COL4A1: variants seen among roughly 807,000 people sequenced by gnomAD.
COL4A1 encodes the protein collagen type IV alpha 1 chain, also known as collagen alpha-1(IV) chain.
A neutral mutation model predicts 216.6 loss-of-function variants in COL4A1; 40 were observed. The ratio of observed to expected loss-of-function variants is 0.18; its 90% CI spans 0.14 to 0.24. The LOEUF (loss-of-function observed/expected upper bound fraction) is 0.24, where lower values mean the gene tolerates loss of function less well. Among genes scored for constraint, COL4A1 ranks in the 10% least tolerant of loss-of-function variants. COL4A1 has a pLI of 1.00. For synonymous variants in COL4A1, 839 were observed against 810.7 expected (o/e 1.03, Z -0.59); for missense variants, 1,628 against 2,196.8 (o/e 0.74, Z 5.18).
intron 37 of COL4A1, among the ~76,000 whole-genome samples, 159 bp from the exon 38 acceptor site, chr13:110,174,908 T>C (rs551976783): frequency 6.6e-6 from 1 of 152,350 alleles, no homozygotes; most frequent in South Asian, 2.1e-4. Context: ...CACTTCTGAA[T>C]GGAGAGGAAA....
chr13:110,285,522 G>A (rs901377551), intron 1 of COL4A1, among the ~76,000 whole-genome samples: 33 of 152,226 alleles, frequency 2.2e-4, no homozygotes, highest in African/African-American at 6.7e-4. Flanking sequence ...CCTTGCCTGG[G>A]CCATGGGATG....
In COL4A1 at chr13:110,213,952, C is replaced by T; in HGVS notation, c.208G>A (p.Gly70Arg). ...IGFPGMQGPEGPQGPPGQKGD... is the reference protein window; with the variant it reads ...IGFPGMQGPERPQGPPGQKGD... ...TTTTGTCCTGGTGGTCCCTGTGGCC[C>T]CTCAGGTCCTTGCATTCCAGGAAAC... Residue 70 changes from glycine to arginine, a missense_variant, in exon 3 of 52, where the codon GGG (glycine) becomes AGG (arginine). Gly to Arg is a moderately radical substitution (Grantham distance 125, BLOSUM62 -2). Coordinates refer to ENST00000375820, the MANE Select transcript of COL4A1 (RefSeq NM_001845.6). 1 of 1,614,094 alleles carries T rather than the reference C, an allele frequency of 6.2e-7. No individual in the cohort carries two copies. The highest frequency in any genetic ancestry group is 8.5e-7 in the Non-Finnish European group (1 of 1,180,018).
At chr13:110,154,202 G>A (rs117131610) in intron 50 of COL4A1, among the ~76,000 whole-genome samples, 3 of 152,318 alleles carry the variant, frequency 2.0e-5, no homozygotes, top group Non-Finnish European at 4.4e-5. Flanking sequence ...GTCATTTACT[G>A]GGAATTGGCA....
At chr13:110,212,229 T>G (rs1237983438) in intron 6 of COL4A1, among the ~76,000 whole-genome samples, 188 bp downstream of exon 6, 1 of 152,192 alleles carries the variant, frequency 6.6e-6, no homozygotes, top group Admixed American at 6.5e-5. Flanking sequence ...AAAGGAACAA[T>G]TATATCTTTC....
rs769482830 is a variant in COL4A1 at position 110,174,733 on chromosome 13, G to A, written c.3215C>T (p.Ala1072Val). The change falls in exon 38 of 52, where the codon GCG (alanine) becomes GTG (valine). Residue 1072 changes from alanine to valine, a missense_variant. Transcript: ENST00000375820. Reference protein sequence around the residue: ...LRGEKGDQGIAGFPGSPGEKG... With the variant: ...LRGEKGDQGIVGFPGSPGEKG... Reference sequence around the variant, plus strand: ...CTCTCCAGGGCTTCCTGGGAAACCCGCTATCCCTTGATCTCCCTGCAAGTA... The same window carrying A: ...CTCTCCAGGGCTTCCTGGGAAACCCACTATCCCTTGATCTCCCTGCAAGTA... The A allele has an allele frequency of 2.5e-5, 40 of 1,613,208 alleles. No individual in the cohort carries two copies. The South Asian group carries it at 3.1e-4, about 12-fold the overall frequency.
intron 1 of COL4A1, among the ~76,000 whole-genome samples, chr13:110,306,560 C>T (rs755386079): frequency 3.3e-5 from 5 of 152,022 alleles, no homozygotes; most frequent in Admixed American, 6.5e-5. Flanking sequence ...GGTGGGCGCT[C>T]CCGGCCCTCC....
chr13:110,271,263 G>C (rs1282286210), intron 1 of COL4A1, among the ~76,000 whole-genome samples: 2 of 152,290 alleles, frequency 1.3e-5, no homozygotes, highest in East Asian at 3.9e-4. Context: ...AGAATCCTCA[G>C]GGATAGTCAC....
At chr13:110,159,795 A>C (rs1219110179) in intron 49 of COL4A1, among the ~76,000 whole-genome samples, 1 of 152,252 alleles carries the variant, frequency 6.6e-6, no homozygotes, top group African/African-American at 2.4e-5. Flanking sequence ...ATCCTATCAC[A>C]TGCTATAATA....
chr13:110,209,014 T>C, intron 11 of COL4A1, 124 bp from the exon 12 acceptor site: 1 of 1,032,956 alleles, frequency 9.7e-7, no homozygotes. Flanking sequence ...CCCATAACTC[T>C]CATAAAATTT....
At chr13:110,177,776 A>G in intron 33 of COL4A1, 66 bp downstream of exon 33, 1 of 1,521,330 alleles carries the variant, frequency 6.6e-7, no homozygotes, top group Non-Finnish European at 9.1e-7. Context: ...TGACAACTTG[A>G]GAATTTCCCA....
Position 110,266,373 on chromosome 13 carries a change from G to A in COL4A1, c.85-23639C>T, listed in dbSNP as rs546181310. 1.7e-3 allele frequency among the ~76,000 whole-genome samples: 255 copies of A among 152,292 alleles called. 1 individual carries two copies. Among genetic ancestry groups the A allele is most frequent in the African/African-American group, 6.0e-3 (248 of 41,564 alleles). ...CGCCTGGAGTAGTTCCAACTCTGTC[G>A]CCACGAATCCTAGCTCAGGAAAAGC... is the stretch of plus-strand genomic sequence containing the variant. On this transcript the variant is annotated intron_variant, in intron 1 of 51. Coordinates refer to ENST00000375820, the MANE Select transcript of COL4A1 (RefSeq NM_001845.6).
intron 1 of COL4A1, among the ~76,000 whole-genome samples, chr13:110,253,383 GTATTACATATACATATAATTATAT>G (rs1460173113): frequency 0.016 from 29 of 1,782 alleles, 4 homozygotes; most frequent in Non-Finnish European, 0.054. Context: ...ATAATTATAT[GTATTACATATACATATAATTATAT>G]GTATTACATA....
chr13:110,250,310 T>C (rs1290999384), intron 1 of COL4A1, among the ~76,000 whole-genome samples: 1 of 152,086 alleles, frequency 6.6e-6, no homozygotes, highest in East Asian at 1.9e-4. Flanking sequence ...GTGAGGTACA[T>C]GCTCTATTCT....
chr13:110,212,957 G>A (rs919202016), intron 4 of COL4A1, among the ~76,000 whole-genome samples: 4 of 152,184 alleles, frequency 2.6e-5, no homozygotes, highest in Non-Finnish European at 5.9e-5. Flanking sequence ...ACAAAATGAT[G>A]TCTTTTGCAG....
At chr13:110,277,351 T>C (rs1420758058) in intron 1 of COL4A1, among the ~76,000 whole-genome samples, 3 of 152,234 alleles carry the variant, frequency 2.0e-5, no homozygotes, top group Admixed American at 6.5e-5. Context: ...TTCTTTATTT[T>C]CCCCAATTTG....
At chr13:110,153,173 G>C (rs1041030183) in intron 50 of COL4A1, among the ~76,000 whole-genome samples, 18 of 152,184 alleles carry the variant, frequency 1.2e-4, no homozygotes, top group African/African-American at 4.1e-4. Context: ...TAGGAAATGT[G>C]AACTCTAGAA....
intron 24 of COL4A1, among the ~76,000 whole-genome samples, chr13:110,188,318 C>T (rs776548741): frequency 3.3e-5 from 5 of 152,206 alleles, no homozygotes; most frequent in Admixed American, 6.5e-5. Flanking sequence ...CACATGCACA[C>T]GCTTCTGTGT....
intron 1 of COL4A1, among the ~76,000 whole-genome samples, chr13:110,292,632 G>A (rs529486893): frequency 2.0e-5 from 3 of 152,304 alleles, no homozygotes; most frequent in South Asian, 4.1e-4. Flanking sequence ...ATGGTAGCAG[G>A]AGAGAGAGCG....
intron 1 of COL4A1, among the ~76,000 whole-genome samples, chr13:110,306,553 G>A (rs1357007838): frequency 1.3e-5 from 2 of 151,950 alleles, no homozygotes; most frequent in South Asian, 2.1e-4. Context: ...AGCGCGGGGT[G>A]GGCGCTCCCG....
Sources: gnomAD v4.1 joint callset for allele counts (sites outside exome capture counted in the v4.1 genomes callset) on GRCh38, gnomAD v4.1.1 for gene constraint, MANE v1.5 for transcripts, NCBI Gene and HGNC (gene_info 2026-07-23, HGNC 2026-07-21) for gene names.